Variants in ZNF613 observed in about 807,000 individuals in gnomAD.
ZNF613 encodes zinc finger protein 613.
ZNF613 carries 8 observed loss-of-function variants against 14.3 expected under a neutral mutation model. That is an observed-to-expected ratio of 0.56 (90% confidence interval 0.33 to 1.01). The LOEUF is 1.01. Ranked by LOEUF, ZNF613 falls within the 50% of genes least tolerant of loss-of-function variation. The pLI, the probability that ZNF613 is intolerant of heterozygous loss-of-function variation, is 0.03. For missense variants in ZNF613, 656 were observed against 741.9 expected (o/e 0.88, Z 1.35); for synonymous variants, 228 against 254.5 (o/e 0.90, Z 0.99).
intron 3 of ZNF613, among the ~76,000 whole-genome samples, chr19:51,938,377 T>A (rs1599906653): frequency 6.6e-6 from 1 of 152,206 alleles, no homozygotes; most frequent in East Asian, 1.9e-4. Flanking sequence ...GCTCAAGAGA[T>A]CCTTCTGCTT....
At chr19:51,944,074 C>G (rs1233625037) in intron 5 of ZNF613, 45 bp from the exon 6 acceptor site, 4 of 1,466,482 alleles carry the variant, frequency 2.7e-6, no homozygotes, top group Non-Finnish European at 3.6e-6. Flanking sequence ...TGAAATAGTT[C>G]TATTCCATGC....
rs544979906 is a variant in ZNF613, at chr19:51,937,343, G to C, written c.15+1108G>C. The stretch of plus-strand genomic sequence containing the variant: ...GAAACCTTAACCTATGGGTCTTCCA[G>C]GAGTTGGTGTCAGAATTGAATCTAA... On this transcript the variant is annotated intron_variant, in intron 3 of 5. Coordinates refer to ENST00000293471, the MANE Select transcript of ZNF613 (RefSeq NM_001031721.4). Among the ~76,000 whole-genome samples, 9 of 152,316 alleles carry C rather than the reference G, an allele frequency of 5.9e-5. No homozygotes were observed. In the South Asian group the frequency reaches 1.9e-3, roughly 32 times the overall value.
chr19:51,938,725 G>GACATATATATATATATAT (rs1555756064), intron 3 of ZNF613, among the ~76,000 whole-genome samples: 2 of 118,898 alleles, frequency 1.7e-5, no homozygotes, highest in Non-Finnish European at 3.3e-5. Flanking sequence ...AATGTACATG[G>GACATATATATATATATAT]ATATATATAT....
In ZNF613 at chr19:51,945,714, G is replaced by A. The variant is rs2085396029; in HGVS notation, c.1831G>A (p.Asp611Asn). 9.9e-6 allele frequency: 16 copies of A among 1,614,032 alleles called. No homozygotes were observed. The highest frequency in any genetic ancestry group is 1.4e-5 in the Non-Finnish European group (16 of 1,180,038). ...QPVARSSVSA[D>N]SRICTE ...TGTTGCCAGAAGTTCAGTCTCAGCA[G>A]ATAGTAGAATTTGCACAGAATAAAA... Residue 611 changes from aspartate to asparagine, a missense_variant, in exon 6 of 6, where the codon GAT (aspartate) becomes AAT (asparagine). Physicochemically the swap from Asp to Asn is conservative, Grantham distance 23. Coordinates refer to ENST00000293471, the MANE Select transcript of ZNF613 (RefSeq NM_001031721.4).
rs748791560 is a variant in ZNF613 at position 51,936,208 on chromosome 19, G to A, written c.-13G>A. On this transcript the variant is annotated 5_prime_UTR_variant, in exon 3 of 6. Coordinates refer to ENST00000293471, the MANE Select transcript of ZNF613 (RefSeq NM_001031721.4). Reference sequence around the variant, plus strand: ...CATCCTACTTACTGGCTATTTCCCAGTAACAAAAGAAAATGATCAAGTCCC... The same window carrying A: ...CATCCTACTTACTGGCTATTTCCCAATAACAAAAGAAAATGATCAAGTCCC... The A allele has an allele frequency of 6.2e-7, 1 of 1,603,764 alleles. No homozygotes were observed. The highest frequency in any genetic ancestry group is 2.3e-5 in the East Asian group (1 of 44,328).
At chr19:51,931,741 C>T (rs905035315) in intron 2 of ZNF613, among the ~76,000 whole-genome samples, 1 of 152,176 alleles carries the variant, frequency 6.6e-6, no homozygotes, top group Non-Finnish European at 1.5e-5. Flanking sequence ...ACAACCACCA[C>T]TTGCAGCCAC....
Position 51,945,521 on chromosome 19 carries a change from G to T in ZNF613, c.1638G>T (p.Leu546Phe). Reference sequence around the variant, plus strand: ...AGAAATGTGTAGGTTCAGTCAAATTGGAAAATCCTTGCTCAGAGAGTCATA... The same window carrying T: ...AGAAATGTGTAGGTTCAGTCAAATTTGAAAATCCTTGCTCAGAGAGTCATA... ...AREKCVGSVK[L>F]ENPCSESHSL... The change falls in exon 6 of 6, where the codon TTG (leucine) becomes TTT (phenylalanine). Residue 546 changes from leucine (L) to phenylalanine (F), a missense_variant. Physicochemically the swap from Leu to Phe is conservative, Grantham distance 22. Coordinates refer to ENST00000293471, the MANE Select transcript of ZNF613 (RefSeq NM_001031721.4). The T allele has an allele frequency of 6.2e-7, 1 of 1,614,196 alleles. No individual in the cohort carries two copies. The highest frequency in any genetic ancestry group is 8.5e-7 in the Non-Finnish European group (1 of 1,180,034).
intron 3 of ZNF613, among the ~76,000 whole-genome samples, chr19:51,938,924 A>G (rs2085326416): frequency 6.6e-6 from 1 of 151,698 alleles, no homozygotes; most frequent in African/African-American, 2.4e-5. Flanking sequence ...TAAATGACAC[A>G]TGAATAAATA....
chr19:51,941,461 A>AT (rs58377201), intron 5 of ZNF613, among the ~76,000 whole-genome samples: 26,422 of 149,610 alleles, frequency 0.18, 3,175 homozygotes, highest in African/African-American at 0.34. Context: ...GATAATGTTG[A>AT]TTTTTTTTTT....
intron 5 of ZNF613, 66 bp downstream of exon 5, chr19:51,940,775 T>C: frequency 2.2e-6 from 3 of 1,342,026 alleles, no homozygotes; most frequent in Non-Finnish European, 3.1e-6. Context: ...TGTTCAGCAG[T>C]GTCTGAGCTG....
In ZNF613 at chr19:51,944,548, A is replaced by T; in HGVS notation, c.665A>T (p.His222Leu). Residue 222 changes from histidine (H) to leucine (L), a missense_variant, in exon 6 of 6, where the codon CAT (histidine) becomes CTT (leucine). By Grantham distance (99) the His-to-Leu change is moderately conservative. Coordinates refer to ENST00000293471, the MANE Select transcript of ZNF613 (RefSeq NM_001031721.4). ...AFLKKSRLIY[H>L]QRVHTGEKPH... ...CTCAAGAAGTCTCGCCTCATCTATC[A>T]TCAGAGAGTTCACACTGGGGAGAAA... is the stretch of plus-strand genomic sequence containing the variant. The T allele has an allele frequency of 6.2e-7, 1 of 1,614,188 alleles. No individual in the cohort carries two copies. Among genetic ancestry groups the T allele is most frequent in the Non-Finnish European group, 8.5e-7 (1 of 1,180,014 alleles).
intron 2 of ZNF613, among the ~76,000 whole-genome samples, chr19:51,934,909 G>A (rs545063059): frequency 1.3e-5 from 2 of 152,284 alleles, no homozygotes; most frequent in East Asian, 1.9e-4. Context: ...CACTAGTGGC[G>A]TTCTAAGAAG....
chr19:51,927,719 C>T (rs1462873510), intron 1 of ZNF613, among the ~76,000 whole-genome samples, 179 bp downstream of exon 1: 1 of 151,444 alleles, frequency 6.6e-6, no homozygotes, highest in Non-Finnish European at 1.5e-5. Flanking sequence ...CAGAGTCTGT[C>T]CAGAGCAACA....
chr19:51,940,076 T>G (rs1011648153), intron 3 of ZNF613, 133 bp from the exon 4 acceptor site: 71 of 1,189,154 alleles, frequency 6.0e-5, no homozygotes, highest in Non-Finnish European at 7.7e-5. Flanking sequence ...GACAATGTAT[T>G]TTTTTAAAAA....
At position 51,945,418 on chromosome 19, in the gene ZNF613, A is replaced by G. The variant is rs1292797776; in HGVS notation, c.1535A>G (p.Tyr512Cys). The change falls in exon 6 of 6, where the codon TAT becomes TGT. Residue 512 changes from tyrosine to cysteine, a missense_variant. Transcript: ENST00000293471. ...HRRTHTGERP[Y>C]GCSDCGKAFS... Reference sequence around the variant, plus strand: ...AGAACTCATACAGGGGAGAGACCGTATGGATGCTCTGATTGTGGGAAAGCT... The same window carrying G: ...AGAACTCATACAGGGGAGAGACCGTGTGGATGCTCTGATTGTGGGAAAGCT... 6.2e-7 allele frequency: 1 copy of G among 1,613,696 alleles called. No homozygotes were observed. Among genetic ancestry groups the G allele is most frequent in the Non-Finnish European group, 8.5e-7 (1 of 1,179,756 alleles).
intron 5 of ZNF613, among the ~76,000 whole-genome samples, chr19:51,941,269 T>C (rs1445355397): frequency 6.6e-6 from 1 of 152,198 alleles, no homozygotes; most frequent in Non-Finnish European, 1.5e-5. Context: ...GATTTGTTTT[T>C]CTCAAGGTTT....
intron 5 of ZNF613, among the ~76,000 whole-genome samples, chr19:51,941,837 T>C (rs1294905829): frequency 1.3e-5 from 2 of 152,244 alleles, no homozygotes; most frequent in Non-Finnish European, 2.9e-5. Context: ...TCTTTGCTCT[T>C]TCAATTGATT....
chr19:51,930,933 A>G (rs1421762860), intron 2 of ZNF613, among the ~76,000 whole-genome samples: 1 of 152,068 alleles, frequency 6.6e-6, no homozygotes, highest in Admixed American at 6.6e-5. Flanking sequence ...AACACTTGTT[A>G]TTTTTAGTTT....
Position 51,944,880 on chromosome 19 carries a change from G to A in ZNF613, c.997G>A (p.Glu333Lys), listed in dbSNP as rs748846336. Reference sequence around the variant, plus strand: ...CTTCTCCAAAAGGTCCAGGCTCACTGAACACCAGAGAACTCATACAGGAGA... The same window carrying A: ...CTTCTCCAAAAGGTCCAGGCTCACTAAACACCAGAGAACTCATACAGGAGA... ...KAFSKRSRLT[E>K]HQRTHTGEKP... Residue 333 changes from glutamate to lysine, a missense_variant, in exon 6 of 6, where the codon GAA becomes AAA. Coordinates refer to ENST00000293471, the MANE Select transcript of ZNF613 (RefSeq NM_001031721.4). The A allele has an allele frequency of 6.2e-7, 1 of 1,613,208 alleles. No individual in the cohort carries two copies. Among genetic ancestry groups the A allele is most frequent in the Non-Finnish European group, 8.5e-7 (1 of 1,179,910 alleles).
Sources: gnomAD v4.1 joint callset for allele counts (sites outside exome capture counted in the v4.1 genomes callset) on GRCh38, gnomAD v4.1.1 for gene constraint, MANE v1.5 for transcripts, NCBI Gene and HGNC (gene_info 2026-07-23, HGNC 2026-07-21) for gene names.